The following RYR2 variants were observed in gnomAD, a reference collection of about 807,000 sequenced individuals.
The protein encoded by RYR2 is ryanodine receptor 2.
In RYR2, 227 loss-of-function variants were observed where a neutral mutation model predicts 601.1. That is an observed-to-expected ratio of 0.38 (90% CI 0.34 to 0.42). The LOEUF (loss-of-function observed/expected upper bound fraction) is 0.42. RYR2 is among the 10% of genes least tolerant of loss of function. The probability of loss-of-function intolerance (pLI) is 1.00; values close to 1 mark genes in which losing one functional copy is unlikely to be tolerated. For synonymous variants in RYR2, 2,223 were observed against 2,175.1 expected, an observed-to-expected ratio of 1.02 and a Z score of -0.61; for missense variants, 4,646 against 6,156.5, an observed-to-expected ratio of 0.75 and a Z score of 8.21.
chr1:237,550,717 T>C, intron 27 of RYR2, 26 bp downstream of exon 27: 2 of 1,535,446 alleles, frequency 1.3e-6, no homozygotes, highest in East Asian at 2.5e-5. Flanking sequence ...TTTCCTCTTC[T>C]TCGGTTGCAA....
chr1:237,412,813 C>G (rs1704579242), intron 10 of RYR2, among the ~76,000 whole-genome samples: 1 of 152,156 alleles, frequency 6.6e-6, no homozygotes, highest in Non-Finnish European at 1.5e-5. Context: ...CCTTTTCAGT[C>G]ATCCAGCTGG....
At chr1:237,363,084 TA>T (rs56947411) in intron 4 of RYR2, among the ~76,000 whole-genome samples, 136 of 146,476 alleles carry the variant, frequency 9.3e-4, no homozygotes, top group Admixed American at 8.9e-4. Context: ...CTAGCTTAAT[TA>T]AAAAAAAAAA....
At chr1:237,793,283 G>GCTATCT (rs1299883504) in intron 94 of RYR2, among the ~76,000 whole-genome samples, 1 of 152,142 alleles carries the variant, frequency 6.6e-6, no homozygotes, top group East Asian at 1.9e-4. Context: ...GTGTCTATCT[G>GCTATCT]CTATCTGTGC....
At chr1:237,100,672 C>A (rs1667989565) in intron 1 of RYR2, among the ~76,000 whole-genome samples, 1 of 152,164 alleles carries the variant, frequency 6.6e-6, no homozygotes, top group African/African-American at 2.4e-5. Context: ...AGGCATGAGC[C>A]ACCGTGCCTG....
At chr1:237,418,703 A>G (rs1486394964) in intron 11 of RYR2, among the ~76,000 whole-genome samples, 1 of 152,020 alleles carries the variant, frequency 6.6e-6, no homozygotes, top group Non-Finnish European at 1.5e-5. Context: ...CCTTTTCACT[A>G]CATCCTACTC....
Position 237,360,265 on chromosome 1 carries a change from T to C in RYR2, c.295-4093T>C, listed in dbSNP as rs1558682836. ...ATCTGAATAGAGGGCAGGCTTTGTA[T>C]GTCTTCAAGACATCAGTATCCATTT... On this transcript the variant is annotated intron_variant, in intron 4 of 104. Transcript: ENST00000366574. Among the ~76,000 whole-genome samples, 4 of 152,352 alleles carry C rather than the reference T, an allele frequency of 2.6e-5. No individual in the cohort carries two copies. In the South Asian group the frequency reaches 8.3e-4, roughly 32 times the overall value.
At chr1:237,809,091 C>T (rs1384240732) in intron 100 of RYR2, 56 bp downstream of exon 100, 5 of 1,474,332 alleles carry the variant, frequency 3.4e-6, no homozygotes, top group Non-Finnish European at 4.7e-6. Context: ...CTTCTGCAGT[C>T]TAAGTAATTG....
chr1:237,290,950 C>T (rs1228652214), intron 2 of RYR2, among the ~76,000 whole-genome samples: 1 of 152,124 alleles, frequency 6.6e-6, no homozygotes. Context: ...AATTCTTGTG[C>T]ATGAAATTGG....
chr1:237,617,873 T>G (rs1233950801), intron 38 of RYR2, among the ~76,000 whole-genome samples: 1 of 152,190 alleles, frequency 6.6e-6, no homozygotes, highest in East Asian at 1.9e-4. Context: ...ACATGTCTCT[T>G]CCACCTTGCT....
chr1:237,219,857 TG>T (rs1294657732), intron 1 of RYR2, among the ~76,000 whole-genome samples: 1 of 152,202 alleles, frequency 6.6e-6, no homozygotes, highest in African/African-American at 2.4e-5. Context: ...CTTAAAGCTG[TG>T]CAATTTAAAG....
chr1:237,734,661 G>A lies in RYR2; in HGVS notation c.11091+905G>A, dbSNP rs184914090. Reference sequence around the variant, plus strand: ...CCTCTTGACAAGTGGATAAATTGAGGATAAAAGTGGAGTGAAGGTTTTGCT... The same window carrying A: ...CCTCTTGACAAGTGGATAAATTGAGAATAAAAGTGGAGTGAAGGTTTTGCT... On this transcript the variant is annotated intron_variant, in intron 79 of 104. Transcript: ENST00000366574. 2.0e-5 allele frequency among the ~76,000 whole-genome samples: 3 copies of A among 152,318 alleles called. No homozygotes were observed. The East Asian group carries it at 5.8e-4, about 29-fold the overall frequency.
intron 29 of RYR2, among the ~76,000 whole-genome samples, chr1:237,584,906 A>AT (rs35947237): frequency 0.068 from 10,138 of 149,454 alleles, 1,083 homozygotes; most frequent in African/African-American, 0.23. Flanking sequence ...CTAATTTGTT[A>AT]TTTTTTTTTT....
chr1:237,693,490 A>G (rs1287023024), intron 63 of RYR2, among the ~76,000 whole-genome samples: 1 of 152,216 alleles, frequency 6.6e-6, no homozygotes, highest in East Asian at 1.9e-4. Flanking sequence ...AGAATTTGTG[A>G]ATTAATCACA....
chr1:237,213,002 C>T (rs1306462419), intron 1 of RYR2, among the ~76,000 whole-genome samples: 1 of 152,022 alleles, frequency 6.6e-6, no homozygotes, highest in Admixed American at 6.6e-5. Flanking sequence ...AAATTCCTGA[C>T]CTCAGGTGAT....
chr1:237,613,944 C>T (rs1573121120), intron 36 of RYR2, 95 bp from the exon 37 acceptor site: 1 of 1,194,776 alleles, frequency 8.4e-7, no homozygotes, highest in Non-Finnish European at 1.2e-6. Context: ...AACTTTTTTC[C>T]TTCAAATTTA....
intron 93 of RYR2, 119 bp from the exon 94 acceptor site, chr1:237,791,986 C>A: frequency 1.4e-6 from 1 of 710,734 alleles, no homozygotes; most frequent in Non-Finnish European, 2.4e-6. Context: ...TTAGTCCTTT[C>A]ATTATGCAGT....
At chr1:237,504,169 T>C (rs566935190) in intron 22 of RYR2, among the ~76,000 whole-genome samples, 2 of 152,362 alleles carry the variant, frequency 1.3e-5, no homozygotes, top group East Asian at 1.9e-4. Flanking sequence ...ATTATACTTT[T>C]CATGCACGTC....
intron 59 of RYR2, 82 bp from the exon 60 acceptor site, chr1:237,674,649 A>G (rs1685240013): frequency 1.4e-6 from 1 of 699,808 alleles, no homozygotes; most frequent in Non-Finnish European, 2.6e-6. Context: ...GTATATACAC[A>G]TATATATATA....
At chr1:237,533,024 G>C (rs1168498809) in intron 25 of RYR2, among the ~76,000 whole-genome samples, 2 of 152,152 alleles carry the variant, frequency 1.3e-5, no homozygotes, top group Non-Finnish European at 2.9e-5. Flanking sequence ...ATGGGGCACA[G>C]GGTTTAAAAA....
Sources: gnomAD v4.1 joint callset for allele counts (sites outside exome capture counted in the v4.1 genomes callset) on GRCh38, gnomAD v4.1.1 for gene constraint, MANE v1.5 for transcripts, NCBI Gene and HGNC (gene_info 2026-07-23, HGNC 2026-07-21) for gene names.